The following FFAR4 variants were observed in gnomAD, a reference collection of about 807,000 sequenced individuals.
FFAR4 encodes the protein G-protein coupled receptor 120.
In FFAR4, 19 loss-of-function variants were observed where a neutral mutation model predicts 27.0. The observed-to-expected ratio is 0.70, with a 90% CI of 0.49 to 1.03. FFAR4 has a LOEUF of 1.03. FFAR4 is among the 50% of genes least tolerant of loss of function. The pLI, the probability that FFAR4 is intolerant of heterozygous loss-of-function variation, is 0.00. For missense variants in FFAR4, 476 were observed against 479.0 expected (o/e 0.99, Z 0.06); for synonymous variants, 254 against 215.6 (o/e 1.18, Z -1.56).
In FFAR4 at chr10:93,566,936, C is replaced by G. The variant is rs764609823; in HGVS notation, c.216C>G (p.Gly72=). Residue 72 remains glycine (G), a synonymous_variant, in exon 1 of 3, where the codon GGC becomes GGG. Coordinates refer to ENST00000371481, the MANE Select transcript of FFAR4 (RefSeq NM_001195755.2). The part of the protein sequence containing the change: ...LVLVARRRRR[G]ATACLVLNLF... ...TGGTGGCGCGCCGACGACGCCGCGG[C>G]GCGACTGCCTGCCTGGTACTCAACC... 2 of 1,610,324 alleles carry G rather than the reference C, an allele frequency of 1.2e-6. No homozygotes were observed. The highest frequency in any genetic ancestry group is 1.7e-6 in the Non-Finnish European group (2 of 1,179,324).
intron 1 of FFAR4, among the ~76,000 whole-genome samples, chr10:93,568,304 G>A (rs1395267153): frequency 1.3e-5 from 2 of 152,144 alleles, no homozygotes; most frequent in Non-Finnish European, 2.9e-5. Context: ...GAGAGAGATA[G>A]AGAAAGGACT....
chr10:93,571,594 A>C (rs537536392), intron 1 of FFAR4, among the ~76,000 whole-genome samples: 1 of 152,262 alleles, frequency 6.6e-6, no homozygotes, highest in South Asian at 2.1e-4. Context: ...CCCTAATTTA[A>C]TACCAGGCTA....
chr10:93,589,197 G>C lies in FFAR4; in HGVS notation c.*1588G>C, dbSNP rs757528304. The C allele has an allele frequency of 6.6e-6, 1 of 152,354 alleles. No homozygotes were observed. Among genetic ancestry groups the C allele is most frequent in the Admixed American group, 6.5e-5 (1 of 15,290 alleles). The allele number at this position is 152,354 out of a possible 1,614,324, so 9.4% of individuals were successfully genotyped here. A position where few individuals can be genotyped will look rare whatever the true frequency, so the allele number is the denominator to read the frequency against. On this transcript the variant is annotated 3_prime_UTR_variant, in exon 3 of 3. Transcript: ENST00000371481. ...TCAGTTGAGGCCAGAGAAATTGCAGGGTTAGATCACATAGGGCCTAGGAGT... is the reference window on the plus strand; with the variant it reads ...TCAGTTGAGGCCAGAGAAATTGCAGCGTTAGATCACATAGGGCCTAGGAGT...
intron 2 of FFAR4, among the ~76,000 whole-genome samples, chr10:93,580,993 G>C (rs1465364093): frequency 6.6e-6 from 1 of 152,202 alleles, no homozygotes; most frequent in African/African-American, 2.4e-5. Flanking sequence ...TCATCGCCCA[G>C]CAACTGTTGC....
At chr10:93,574,422 G>A (rs540784767) in intron 1 of FFAR4, among the ~76,000 whole-genome samples, 1 of 152,178 alleles carries the variant, frequency 6.6e-6, no homozygotes, top group South Asian at 2.1e-4. Context: ...ATTCAGGGCT[G>A]GAATCCATTT....
Position 93,590,050 on chromosome 10 carries a change from A to T in FFAR4, c.*2441A>T, listed in dbSNP as rs1251724527. On this transcript the variant is annotated 3_prime_UTR_variant, in exon 3 of 3. Coordinates refer to ENST00000371481, the MANE Select transcript of FFAR4 (RefSeq NM_001195755.2). ...TCACTTTAGTTAATAGATTTGATCAATTAAACCTGTTTTTGGAAGTGATGT... is the reference window on the plus strand; with the variant it reads ...TCACTTTAGTTAATAGATTTGATCATTTAAACCTGTTTTTGGAAGTGATGT... The T allele has an allele frequency of 6.6e-6, 1 of 152,268 alleles. No individual in the cohort carries two copies. Among genetic ancestry groups the T allele is most frequent in the Non-Finnish European group, 1.5e-5 (1 of 68,050 alleles). The allele number at this position is 152,268 out of a possible 1,614,324, so 9.4% of individuals were successfully genotyped here.
rs191583035 is a variant in FFAR4, at chr10:93,570,448, G to A, written c.567+3161G>A. ...TCACATTTAAAATTAGCAAAGGCTT[G>A]TTTTCTCAATCCCCATATTCCCAGC... On this transcript the variant is annotated intron_variant, in intron 1 of 2. Coordinates refer to ENST00000371481, the MANE Select transcript of FFAR4 (RefSeq NM_001195755.2). Among the ~76,000 whole-genome samples, 467 of 151,736 alleles carry A rather than the reference G, an allele frequency of 3.1e-3. 3 individuals carry two copies. Among genetic ancestry groups the A allele is most frequent in the African/African-American group, 0.01 (433 of 41,392 alleles).
In FFAR4 at chr10:93,587,417, CT is replaced by C. The variant is rs867409093; in HGVS notation, c.895del (p.Trp299GlyfsTer18). ...AGAACTTCAAGCAAGACCTGGTCAT[CT>C]GGCCGTCCCTCTTCTTCTGGGTGGT... ...IQNFKQDLVIWPSLFFWVVAF... is the reference protein window; with the variant it reads ...IQNFKQDLVIXPSLFFWVVAF... On this transcript the variant is annotated frameshift_variant, in exon 3 of 3. Coordinates refer to ENST00000371481, the MANE Select transcript of FFAR4 (RefSeq NM_001195755.2). LOFTEE classifies it high-confidence loss of function. 2 of 1,614,026 alleles carry C rather than the reference CT, an allele frequency of 1.2e-6. No homozygotes were observed. The highest frequency in any genetic ancestry group is 2.7e-5 in the African/African-American group (2 of 74,922).
chr10:93,577,286 G>A (rs1273753586), intron 2 of FFAR4, among the ~76,000 whole-genome samples: 1 of 152,224 alleles, frequency 6.6e-6, no homozygotes, highest in East Asian at 1.9e-4. Context: ...TCATGTGTGG[G>A]TCATCTGGCA....
rs948693890 is a variant in FFAR4 at position 93,567,206 on chromosome 10, C to A, written c.486C>A (p.Ile162=). ...CGCGGGCAGTGCTGCTGGCGCTCAT[C>A]TGGGGCTATTCGGCGGTCGCCGCTC... ...RRARAVLLAL[I]WGYSAVAALP... The change falls in exon 1 of 3, where the codon ATC becomes ATA. Residue 162 remains isoleucine, a synonymous_variant. Transcript: ENST00000371481. 5.0e-6 allele frequency: 8 copies of A among 1,602,860 alleles called. No homozygotes were observed. The highest frequency in any genetic ancestry group is 1.7e-5 in the Admixed American group (1 of 59,910).
chr10:93,580,988 G>A (rs60336144), intron 2 of FFAR4, among the ~76,000 whole-genome samples: 4,363 of 152,236 alleles, frequency 0.029, 82 homozygotes, highest in East Asian at 0.066. Context: ...TGACGTCATC[G>A]CCCAGCAACT....
At chr10:93,570,574 A>G (rs1341347909) in intron 1 of FFAR4, among the ~76,000 whole-genome samples, 1 of 152,172 alleles carries the variant, frequency 6.6e-6, no homozygotes, top group African/African-American at 2.4e-5. Flanking sequence ...CGCTGAGAGA[A>G]TCAACCAAGC....
chr10:93,574,314 A>C (rs144225829), intron 1 of FFAR4, among the ~76,000 whole-genome samples: 11 of 152,266 alleles, frequency 7.2e-5, no homozygotes, highest in Admixed American at 5.9e-4. Flanking sequence ...TTTTGGAAAG[A>C]GTTGGGGGTC....
chr10:93,567,480 T>A (rs2058105875), intron 1 of FFAR4, among the ~76,000 whole-genome samples, 193 bp downstream of exon 1: 1 of 152,222 alleles, frequency 6.6e-6, no homozygotes. Flanking sequence ...GCACACGCCC[T>A]CCTAAATGAT....
rs1465017555 is a variant in FFAR4 at position 93,589,895 on chromosome 10, C to G, written c.*2286C>G. On this transcript the variant is annotated 3_prime_UTR_variant, in exon 3 of 3. Transcript: ENST00000371481. ...GGCCTGGTGTATAGTAGGTGTTCAA[C>G]AAATCTTTGTTGCTGAGGAAATCAG... 1 of 152,128 alleles carries G rather than the reference C, an allele frequency of 6.6e-6. No individual in the cohort carries two copies. The highest frequency in any genetic ancestry group is 1.5e-5 in the Non-Finnish European group (1 of 68,028). 9.4% of individuals were successfully genotyped at this position (152,128 alleles called of 1,614,324 possible).
At position 93,587,878 on chromosome 10, in the gene FFAR4, G is replaced by A. The variant is rs760989719; in HGVS notation, c.*269G>A. On this transcript the variant is annotated 3_prime_UTR_variant, in exon 3 of 3. Transcript: ENST00000371481. The stretch of plus-strand genomic sequence containing the variant: ...AGGTGGGTGGATCACCTGAGGTCAG[G>A]AGTTCGAGACCAACCTGACCAACAT... The A allele has an allele frequency of 3.1e-6, 1 of 326,836 alleles. No individual in the cohort carries two copies. The highest frequency in any genetic ancestry group is 5.7e-6 in the Non-Finnish European group (1 of 173,970). The allele number at this position is 326,836 out of a possible 1,614,324, so 20.2% of individuals were successfully genotyped here.
chr10:93,580,851 C>T (rs1330335540), intron 2 of FFAR4, among the ~76,000 whole-genome samples: 7 of 152,348 alleles, frequency 4.6e-5, no homozygotes, highest in Admixed American at 1.3e-4. Context: ...CTTCCTCTTT[C>T]CTTGTGACTC....
In FFAR4 at chr10:93,567,163, G is replaced by T; in HGVS notation, c.443G>T (p.Arg148Leu). The T allele has an allele frequency of 6.2e-7, 1 of 1,604,668 alleles. No individual in the cohort carries two copies. The highest frequency in any genetic ancestry group is 8.5e-7 in the Non-Finnish European group (1 of 1,178,568). The change falls in exon 1 of 3, where the codon CGG becomes CTG. Residue 148 changes from arginine (R) to leucine (L), a missense_variant. By Grantham distance (102) the Arg-to-Leu change is moderately radical. Coordinates refer to ENST00000371481, the MANE Select transcript of FFAR4 (RefSeq NM_001195755.2). Reference sequence around the variant, plus strand: ...ATCGTGCACCTGCAGCGCGGCGTGCGGGGTCCTGGGCGGCGGGCGCGGGCA... The same window carrying T: ...ATCGTGCACCTGCAGCGCGGCGTGCTGGGTCCTGGGCGGCGGGCGCGGGCA... ...VCIVHLQRGV[R>L]GPGRRARAVL...
At chr10:93,578,712 G>A (rs2058180458) in intron 2 of FFAR4, among the ~76,000 whole-genome samples, 2 of 152,304 alleles carry the variant, frequency 1.3e-5, no homozygotes, top group Non-Finnish European at 2.9e-5. Flanking sequence ...TGACGGTCGT[G>A]ATTTGTTAGG....
Sources: gnomAD v4.1 joint callset for allele counts (sites outside exome capture counted in the v4.1 genomes callset) on GRCh38, gnomAD v4.1.1 for gene constraint, MANE v1.5 for transcripts, NCBI Gene and HGNC (gene_info 2026-07-23, HGNC 2026-07-21) for gene names.